CDH23: variants seen among roughly 807,000 people sequenced by gnomAD.
CDH23 encodes the protein cadherin-23.
CDH23 carries 189 observed loss-of-function variants against 317.1 expected under a neutral mutation model. The observed-to-expected ratio is 0.60, with a 90% CI of 0.53 to 0.67. The LOEUF (loss-of-function observed/expected upper bound fraction) is 0.67, where lower values mean the gene tolerates loss of function less well. Among genes scored for constraint, CDH23 ranks in the 30% least tolerant of loss-of-function variants. CDH23 has a pLI of 0.00. For missense variants in CDH23, 4,401 were observed against 4,592.4 expected, an observed-to-expected ratio of 0.96 and a Z score of 1.20; for synonymous variants, 1,839 against 1,876.8, an observed-to-expected ratio of 0.98 and a Z score of 0.52.
chr10:71,412,990 G>A (rs538968853), intron 1 of CDH23, among the ~76,000 whole-genome samples: 13 of 152,280 alleles, frequency 8.5e-5, no homozygotes, highest in South Asian at 8.3e-4. Flanking sequence ...TTTTGATGAA[G>A]TACAAATACC....
At chr10:71,463,955 A>G (rs1262171492) in intron 3 of CDH23, among the ~76,000 whole-genome samples, 2 of 152,244 alleles carry the variant, frequency 1.3e-5, no homozygotes, top group Non-Finnish European at 2.9e-5. Flanking sequence ...ATCAACACCT[A>G]TAGGACTTGC....
chr10:71,606,362 A>G (rs553532450), intron 9 of CDH23, among the ~76,000 whole-genome samples: 6 of 152,356 alleles, frequency 3.9e-5, no homozygotes, highest in African/African-American at 1.4e-4. Context: ...CTGTGGCTGC[A>G]TCAGGAGGGT....
chr10:71,667,357 A>AGTGTGTGT (rs1174912824), intron 14 of CDH23, among the ~76,000 whole-genome samples: 4 of 90,766 alleles, frequency 4.4e-5, no homozygotes, highest in Admixed American at 9.7e-5. Context: ...AAAGAGAGAG[A>AGTGTGTGT]GAGTGTGTGT....
intron 27 of CDH23, among the ~76,000 whole-genome samples, chr10:71,710,407 T>A (rs1001606014): frequency 6.6e-6 from 1 of 152,242 alleles, no homozygotes; most frequent in Non-Finnish European, 1.5e-5. Flanking sequence ...CTCCTGCTCC[T>A]GGGCTTTTCC....
At chr10:71,493,266 C>A (rs1451938068) in intron 3 of CDH23, among the ~76,000 whole-genome samples, 1 of 152,148 alleles carries the variant, frequency 6.6e-6, no homozygotes, top group African/African-American at 2.4e-5. Flanking sequence ...GACCTGCCAC[C>A]CTTAGAAGCA....
At position 71,799,706 on chromosome 10, in the gene CDH23, T is replaced by C; in HGVS notation, c.7362+77T>C. 4 of 1,595,428 alleles carry C rather than the reference T, an allele frequency of 2.5e-6. 1 individual carries two copies. The South Asian group carries it at 4.4e-5, about 18-fold the overall frequency. On this transcript the variant is annotated intron_variant, in intron 52 of 69. Coordinates refer to ENST00000224721, the MANE Select transcript of CDH23 (RefSeq NM_022124.6). ...AGAGACTGAGCAGCCACCAAAAGTATTGTAGTAATCCCTCTGGGTCTTGTC... is the reference window on the plus strand; with the variant it reads ...AGAGACTGAGCAGCCACCAAAAGTACTGTAGTAATCCCTCTGGGTCTTGTC...
chr10:71,592,177 A>G (rs1859538386), intron 9 of CDH23, among the ~76,000 whole-genome samples: 1 of 152,200 alleles, frequency 6.6e-6, no homozygotes, highest in South Asian at 2.1e-4. Flanking sequence ...AAGATCTCTC[A>G]GGAGCTCAGG....
intron 57 of CDH23, among the ~76,000 whole-genome samples, chr10:71,806,888 T>G (rs1488704606): frequency 6.6e-6 from 1 of 152,244 alleles, no homozygotes; most frequent in Non-Finnish European, 1.5e-5. Flanking sequence ...AGGGCTGACA[T>G]GAAATCTGAC....
chr10:71,477,023 CT>C (rs2132104693), intron 3 of CDH23, among the ~76,000 whole-genome samples: 1 of 152,310 alleles, frequency 6.6e-6, no homozygotes, highest in East Asian at 1.9e-4. Context: ...TGACCGACCC[CT>C]AACTCTTCTC....
At chr10:71,543,057 G>A (rs754951118) in intron 6 of CDH23, among the ~76,000 whole-genome samples, 5 of 152,236 alleles carry the variant, frequency 3.3e-5, no homozygotes, top group African/African-American at 4.8e-5. Flanking sequence ...GTAATGCAAG[G>A]CTAGCAAGTC....
intron 24 of CDH23, among the ~76,000 whole-genome samples, chr10:71,703,054 A>C (rs537519953): frequency 6.6e-6 from 1 of 152,154 alleles, no homozygotes; most frequent in Non-Finnish European, 1.5e-5. Flanking sequence ...TGCCTCTCCC[A>C]TGCCTTCTCA....
intron 44 of CDH23, 23 bp downstream of exon 44, chr10:71,785,761 G>C (rs1306372015): frequency 6.9e-7 from 1 of 1,442,820 alleles, no homozygotes. Context: ...GGCACTGGTG[G>C]GAGTGGGCTG....
chr10:71,616,802 T>A (rs898786000), intron 10 of CDH23, among the ~76,000 whole-genome samples: 1 of 152,166 alleles, frequency 6.6e-6, no homozygotes, highest in Non-Finnish European at 1.5e-5. Flanking sequence ...CTCAGTTAAG[T>A]CTTGATTAAC....
At position 71,570,917 on chromosome 10, in the gene CDH23, C is replaced by T. The variant is rs746961144; in HGVS notation, c.752C>T (p.Pro251Leu). The T allele has an allele frequency of 1.1e-5, 18 of 1,613,914 alleles. No individual in the cohort carries two copies. The highest frequency in any genetic ancestry group is 6.7e-5 in the East Asian group (3 of 44,874). Residue 251 changes from proline (P) to leucine (L), a missense_variant and splice_region_variant, in exon 8 of 70, where the codon CCG becomes CTG. Coordinates refer to ENST00000224721, the MANE Select transcript of CDH23 (RefSeq NM_022124.6). ...ACCAACATCTACGAGCATTCTCCTC[C>T]GGTAAGACTCCTGGCCCTTCCTTCT... ...YSTNIYEHSP[P>L]GTTVRIITAI...
chr10:71,445,465 A>G (rs563269180), intron 2 of CDH23, among the ~76,000 whole-genome samples: 67 of 152,326 alleles, frequency 4.4e-4, no homozygotes, highest in African/African-American at 1.4e-3. Flanking sequence ...CAGAGCTCAT[A>G]TTCTGCTAGA....
At chr10:71,766,256 C>G (rs1001372701) in intron 38 of CDH23, among the ~76,000 whole-genome samples, 2 of 152,166 alleles carry the variant, frequency 1.3e-5, no homozygotes, top group Non-Finnish European at 2.9e-5. Flanking sequence ...TCCAGGGTGG[C>G]CAAAAGCATG....
At chr10:71,683,957 T>C (rs2132686174) in intron 18 of CDH23, among the ~76,000 whole-genome samples, 1 of 152,036 alleles carries the variant, frequency 6.6e-6, no homozygotes, top group South Asian at 2.1e-4. Flanking sequence ...GGCAGGTGCC[T>C]GTAATCCCAG....
chr10:71,676,070 G>T (rs1312621340), intron 15 of CDH23, among the ~76,000 whole-genome samples: 2 of 151,596 alleles, frequency 1.3e-5, no homozygotes, highest in Admixed American at 1.3e-4. Flanking sequence ...AGCACACCTG[G>T]CTAATTTTTG....
intron 3 of CDH23, among the ~76,000 whole-genome samples, chr10:71,450,103 G>A (rs1850360213): frequency 6.6e-6 from 1 of 152,300 alleles, no homozygotes; most frequent in Non-Finnish European, 1.5e-5. Flanking sequence ...AATGCGTGGA[G>A]TGGCGTGAGG....
Sources: allele counts gnomAD v4.1 joint callset (sites outside exome capture counted in the v4.1 genomes callset), GRCh38; gene constraint gnomAD v4.1.1; transcripts MANE v1.5; gene names NCBI Gene and HGNC (gene_info 2026-07-23, HGNC 2026-07-21).